ATP9A: variants seen among roughly 807,000 people sequenced by gnomAD.
ATP9A encodes probable phospholipid-transporting ATPase IIA.
Under a neutral mutation model 144.1 loss-of-function variants are expected in ATP9A, and 52 were observed. That is an observed-to-expected ratio of 0.36 (90% CI 0.29 to 0.45). The LOEUF (loss-of-function observed/expected upper bound fraction) is 0.45, where lower values mean the gene tolerates loss of function less well. Ranked by LOEUF, ATP9A falls within the 20% of genes least tolerant of loss-of-function variation. ATP9A has a pLI of 1.00. For missense variants in ATP9A, 947 were observed against 1,392.7 expected (o/e 0.68, Z 5.09); for synonymous variants, 582 against 557.4 (o/e 1.04, Z -0.62).
intron 14 of ATP9A, among the ~76,000 whole-genome samples, chr20:51,653,686 C>T (rs1174317289): frequency 6.6e-6 from 1 of 151,942 alleles, no homozygotes; most frequent in Non-Finnish European, 1.5e-5. Flanking sequence ...ACTTGGGAAG[C>T]TGAGGCATGA....
intron 1 of ATP9A, among the ~76,000 whole-genome samples, chr20:51,736,175 C>T (rs757151074): frequency 1.3e-5 from 2 of 152,194 alleles, no homozygotes; most frequent in African/African-American, 4.8e-5. Flanking sequence ...GCCTGGCACT[C>T]GCAAAGCATG....
intron 15 of ATP9A, among the ~76,000 whole-genome samples, chr20:51,638,819 A>T (rs139959781): frequency 6.6e-6 from 1 of 152,178 alleles, no homozygotes; most frequent in Non-Finnish European, 1.5e-5. Flanking sequence ...AAAATTAAAA[A>T]TTTTTAAAAG....
chr20:51,672,140 T>C (rs6021367), intron 11 of ATP9A, among the ~76,000 whole-genome samples: 37,211 of 152,004 alleles, frequency 0.24, 4,927 homozygotes, highest in Non-Finnish European at 0.28. Flanking sequence ...AGTTGAATCA[T>C]ACACTTTTTC....
chr20:51,685,083 A>G (rs2077517529), intron 9 of ATP9A, among the ~76,000 whole-genome samples: 1 of 152,046 alleles, frequency 6.6e-6, no homozygotes, highest in African/African-American at 2.4e-5. Flanking sequence ...CTGCACAAAT[A>G]ATTTTTCTAA....
intron 1 of ATP9A, among the ~76,000 whole-genome samples, chr20:51,731,344 CTTTA>C (rs888593274): frequency 6.6e-6 from 1 of 151,920 alleles, no homozygotes; most frequent in African/African-American, 2.4e-5. Flanking sequence ...TAAAGGTAGG[CTTTA>C]TTTTAGAATA....
Position 51,667,296 on chromosome 20 carries a change from C to T in ATP9A, c.1293+2701G>A, listed in dbSNP as rs563761666. Reference sequence around the variant, plus strand: ...TAAACACCAGGAGCTCTTAAAAATACCAGCAACATGGCATGGGTGTAACTC... The same window carrying T: ...TAAACACCAGGAGCTCTTAAAAATATCAGCAACATGGCATGGGTGTAACTC... On this transcript the variant is annotated intron_variant, in intron 13 of 27. Transcript: ENST00000338821. Among the ~76,000 whole-genome samples the T allele has an allele frequency of 3.3e-5, 5 of 152,316 alleles. No homozygotes were observed. In the South Asian group the frequency reaches 8.3e-4, roughly 25 times the overall value.
intron 14 of ATP9A, among the ~76,000 whole-genome samples, chr20:51,642,822 A>AAGGCAAAG (rs1332002687): frequency 2.7e-5 from 4 of 149,876 alleles, no homozygotes; most frequent in Admixed American, 6.7e-5. Flanking sequence ...CAGAAGCCAC[A>AAGGCAAAG]AGGCAAAGGT....
chr20:51,639,401 G>C lies in ATP9A; in HGVS notation c.1610C>G (p.Thr537Ser). ...GGTGAAAGGGAAGATCTGTAGGATG[G>C]TGAAGTTCAGGATCTGGTCGCCAGG... ...RTPGDQILNF[T>S]ILQIFPFTYE... Residue 537 changes from threonine to serine, a missense_variant, in exon 15 of 28, where the codon ACC becomes AGC. Physicochemically the swap from Thr to Ser is moderately conservative, Grantham distance 58. Around this residue, in one of 2 missense-constraint regions of ATP9A, gnomAD observed 770 missense variants for 1,047.9 expected, o/e 0.73. Transcript: ENST00000338821. 6.2e-7 allele frequency: 1 copy of C among 1,614,148 alleles called. No individual in the cohort carries two copies. Among genetic ancestry groups the C allele is most frequent in the Non-Finnish European group, 8.5e-7 (1 of 1,180,000 alleles).
At chr20:51,618,836 G>A (rs1331116802) in intron 20 of ATP9A, 30 bp from the exon 21 acceptor site, 2 of 1,579,522 alleles carry the variant, frequency 1.3e-6, no homozygotes, top group East Asian at 2.3e-5. Flanking sequence ...GTGGTGCGTT[G>A]GTGGAGGGAG....
intron 11 of ATP9A, among the ~76,000 whole-genome samples, chr20:51,672,856 G>A (rs2077461906): frequency 2.0e-5 from 3 of 147,376 alleles, no homozygotes; most frequent in Non-Finnish European, 4.6e-5. Context: ...TACAAGTGAT[G>A]TGAAAAGTTA....
intron 1 of ATP9A, among the ~76,000 whole-genome samples, chr20:51,749,505 C>CCA (rs1442427353): frequency 6.6e-6 from 1 of 152,158 alleles, no homozygotes; most frequent in Non-Finnish European, 1.5e-5. Context: ...CCCAGGTGAT[C>CCA]CACCCACCTT....
chr20:51,730,082 G>T, intron 1 of ATP9A, 104 bp from the exon 2 acceptor site: 1 of 1,256,934 alleles, frequency 8.0e-7, no homozygotes, highest in Non-Finnish European at 1.0e-6. Flanking sequence ...CATCTTCTCT[G>T]GCTCAGGACC....
rs60505207 is a variant in ATP9A, at chr20:51,682,577, CTTTTTTTTTTTTTTTTTTTTT to C, written c.800-6390_800-6370del. ...TAAAGTGTGTTGCTTTTCACTGTAT[CTTTTTTTTTTTTTTTTTTTTT>C]TTTTTTTTTGAGACAGAGTTTCCCT... On this transcript the variant is annotated intron_variant, in intron 9 of 27. Transcript: ENST00000338821. Among the ~76,000 whole-genome samples, 8 of 35,076 alleles carry C rather than the reference CTTTTTTTTTTTTTTTTTTTTT, an allele frequency of 2.3e-4. 1 individual carries two copies. Among genetic ancestry groups the C allele is most frequent in the African/African-American group, 7.1e-4 (7 of 9,806 alleles). 23.0% of individuals were successfully genotyped at this position (35,076 alleles called of 152,430 possible).
chr20:51,613,914 A>G, intron 22 of ATP9A, 82 bp from the exon 23 acceptor site: 3 of 1,388,042 alleles, frequency 2.2e-6, no homozygotes, highest in Non-Finnish European at 2.9e-6. Context: ...AAAGCAAGAC[A>G]TTGTAGGAAA....
chr20:51,676,061 T>C, intron 10 of ATP9A, 71 bp downstream of exon 10: 1 of 1,138,118 alleles, frequency 8.8e-7, no homozygotes, highest in South Asian at 1.3e-5. Context: ...CCTATTTTAA[T>C]ATCTCGTCAC....
chr20:51,601,247 C>A lies in ATP9A; in HGVS notation c.3108G>T (p.Arg1036=), dbSNP rs150688881. The A allele has an allele frequency of 1.1e-5, 18 of 1,613,504 alleles. No individual in the cohort carries two copies. The African/African-American group carries it at 2.0e-4, about 18-fold the overall frequency. Residue 1036 remains arginine, a synonymous_variant, in exon 28 of 28, where the codon CGG becomes CGT. Transcript: ENST00000338821. ...GCTTTGAGTAGCTGGGGGGAGAGAA[C>A]CGTCTTCGCAGGTACTTGAGGACAT... ...PLYVLKYLRR[R]FSPPSYSKLT... is the part of the protein sequence containing the mutation.
chr20:51,660,926 C>T (rs1036648474), intron 13 of ATP9A, among the ~76,000 whole-genome samples: 3 of 152,160 alleles, frequency 2.0e-5, no homozygotes, highest in East Asian at 1.9e-4. Context: ...TCTTTTTGCC[C>T]TGGGGAAAAA....
At chr20:51,693,601 A>G (rs2077557898) in intron 7 of ATP9A, among the ~76,000 whole-genome samples, 1 of 152,094 alleles carries the variant, frequency 6.6e-6, no homozygotes, top group Admixed American at 6.6e-5. Context: ...TCCCAGGCAC[A>G]ATCATGGCTC....
At position 51,751,771 on chromosome 20, in the gene ATP9A, G is replaced by T. The variant is rs2077833175; in HGVS notation, c.68+16531C>A. On this transcript the variant is annotated intron_variant, in intron 1 of 27. Coordinates refer to ENST00000338821, the MANE Select transcript of ATP9A (RefSeq NM_006045.3). ...CCCGGCTAATTTTTTTGTATTTTTA[G>T]TAGAGACGGGGTTTCACCGTGTTAG... Among the ~76,000 whole-genome samples the T allele has an allele frequency of 2.0e-5, 3 of 152,166 alleles. No homozygotes were observed. In the South Asian group the frequency reaches 6.2e-4, roughly 32 times the overall value.
Sources: allele counts gnomAD v4.1 joint callset (sites outside exome capture counted in the v4.1 genomes callset), GRCh38; gene constraint gnomAD v4.1.1; regional missense constraint gnomAD v4.1.1; transcripts MANE v1.5; gene names NCBI Gene and HGNC (gene_info 2026-07-23, HGNC 2026-07-21).